The following MDFIC2 variants were observed in gnomAD, a reference collection of about 807,000 sequenced individuals.
MDFIC2 encodes the protein myoD family inhibitor domain-containing protein 2.
At chr3:70,225,954 A>G (rs959156571) in intron 2 of MDFIC2, among the ~76,000 whole-genome samples, 18 of 152,176 alleles carry the variant, frequency 1.2e-4, no homozygotes, top group Admixed American at 1.0e-3. Flanking sequence ...GATGATGCTT[A>G]CGTCATTAAC....
chr3:70,213,565 A>G (rs182772117), intron 2 of MDFIC2, among the ~76,000 whole-genome samples: 127 of 152,272 alleles, frequency 8.3e-4, no homozygotes, highest in African/African-American at 2.9e-3. Context: ...TGACATTTCA[A>G]GGTATAAGCT....
intron 2 of MDFIC2, among the ~76,000 whole-genome samples, chr3:70,243,220 A>G (rs1041337177): frequency 2.0e-5 from 3 of 152,082 alleles, no homozygotes; most frequent in African/African-American, 7.2e-5. Flanking sequence ...GGGGGCTGTG[A>G]CACAATTTTC....
intron 2 of MDFIC2, among the ~76,000 whole-genome samples, chr3:70,230,911 A>C (rs1701553555): frequency 6.6e-6 from 1 of 152,144 alleles, no homozygotes; most frequent in Non-Finnish European, 1.5e-5. Flanking sequence ...TTGAAAAGGC[A>C]AACTTCCACT....
chr3:70,259,222 C>G (rs1701843919), intron 2 of MDFIC2, among the ~76,000 whole-genome samples: 1 of 152,098 alleles, frequency 6.6e-6, no homozygotes, highest in Non-Finnish European at 1.5e-5. Context: ...TATTCATAGT[C>G]TATGCTAAAA....
chr3:70,303,336 G>A (rs1702367723), intron 2 of MDFIC2, among the ~76,000 whole-genome samples: 1 of 152,116 alleles, frequency 6.6e-6, no homozygotes, highest in South Asian at 2.1e-4. Flanking sequence ...TAACCCAGGA[G>A]TCAGACTCAT....
chr3:70,253,896 A>G (rs139682889), intron 2 of MDFIC2, among the ~76,000 whole-genome samples: 68 of 152,338 alleles, frequency 4.5e-4, no homozygotes, highest in African/African-American at 1.5e-3. Flanking sequence ...CTTTTTAAAC[A>G]TACTAAAAAT....
intron 2 of MDFIC2, among the ~76,000 whole-genome samples, chr3:70,215,999 A>G (rs549582735): frequency 6.6e-6 from 1 of 152,106 alleles, no homozygotes; most frequent in African/African-American, 2.4e-5. Context: ...CAACATTTGC[A>G]TTGATATCTG....
chr3:70,282,045 G>C (rs757061491), intron 2 of MDFIC2, among the ~76,000 whole-genome samples: 2 of 152,104 alleles, frequency 1.3e-5, no homozygotes, highest in Non-Finnish European at 2.9e-5. Flanking sequence ...CCCTTTGCTT[G>C]TTGCATATAA....
At chr3:70,275,070 C>T (rs1187957967) in intron 2 of MDFIC2, among the ~76,000 whole-genome samples, 1 of 152,184 alleles carries the variant, frequency 6.6e-6, no homozygotes, top group Admixed American at 6.5e-5. Flanking sequence ...TATAAGCCTG[C>T]AGCTGTTATT....
chr3:70,291,831 A>C (rs897931159), intron 2 of MDFIC2: 4 of 152,196 alleles, frequency 2.6e-5, no homozygotes, highest in Non-Finnish European at 4.4e-5. Context: ...TTCTTTCAAG[A>C]TGTGCTGTCT....
chr3:70,213,328 T>G (rs533384290), intron 2 of MDFIC2, among the ~76,000 whole-genome samples: 1 of 152,262 alleles, frequency 6.6e-6, no homozygotes, highest in Non-Finnish European at 1.5e-5. Context: ...TTGTGAGCAG[T>G]AAACTCCAGA....
At chr3:70,267,610 G>A (rs1385427599) in intron 2 of MDFIC2, among the ~76,000 whole-genome samples, 2 of 147,698 alleles carry the variant, frequency 1.4e-5, no homozygotes, top group African/African-American at 2.5e-5. Context: ...TAAAGACGGG[G>A]TTTCACCCTG....
chr3:70,214,275 G>C (rs775007289), intron 2 of MDFIC2, among the ~76,000 whole-genome samples: 6 of 152,056 alleles, frequency 3.9e-5, no homozygotes, highest in Non-Finnish European at 5.9e-5. Flanking sequence ...AGACTTTCAA[G>C]TTAAAGTCAC....
chr3:70,296,995 C>T (rs549843231), intron 2 of MDFIC2, among the ~76,000 whole-genome samples: 6 of 152,052 alleles, frequency 3.9e-5, no homozygotes, highest in South Asian at 2.1e-4. Flanking sequence ...GCTCCCCAAC[C>T]GCCTCCCCCA....
intron 2 of MDFIC2, among the ~76,000 whole-genome samples, chr3:70,262,480 T>G (rs1331121355): frequency 6.6e-6 from 1 of 152,206 alleles, no homozygotes; most frequent in Non-Finnish European, 1.5e-5. Flanking sequence ...TGCAGAGCTC[T>G]TCAGTGTTTA....
intron 3 of MDFIC2, among the ~76,000 whole-genome samples, chr3:70,201,186 C>T (rs953370233): frequency 4.6e-5 from 7 of 152,082 alleles, no homozygotes; most frequent in Admixed American, 3.3e-4. Context: ...TCCTGATCCT[C>T]TCCCTCCTCT....
At chr3:70,286,416 A>G (rs1377101574) in intron 2 of MDFIC2, among the ~76,000 whole-genome samples, 2 of 151,762 alleles carry the variant, frequency 1.3e-5, no homozygotes, top group Admixed American at 1.3e-4. Flanking sequence ...CCATTGATCT[A>G]TATCTCTGTT....
At chr3:70,258,552 A>T (rs145013227) in intron 2 of MDFIC2, among the ~76,000 whole-genome samples, 20 of 152,258 alleles carry the variant, frequency 1.3e-4, no homozygotes, top group Admixed American at 6.5e-4. Context: ...TTAAGTTAGT[A>T]TGATCTGAAT....
chr3:70,267,394 CTTTTTTTTTT>C (rs9310185), intron 2 of MDFIC2, among the ~76,000 whole-genome samples: 1 of 74,844 alleles, frequency 1.3e-5, no homozygotes, highest in Non-Finnish European at 2.3e-5. Flanking sequence ...TTTTTAATAG[CTTTTTTTTTT>C]TTTTTTTTTT....
Sources: allele counts gnomAD v4.1 joint callset (sites outside exome capture counted in the v4.1 genomes callset), GRCh38; gene constraint gnomAD v4.1.1; transcripts MANE v1.5; gene names NCBI Gene and HGNC (gene_info 2026-07-23, HGNC 2026-07-21).